TOX2: variants seen among roughly 807,000 people sequenced by gnomAD.
TOX2 encodes the protein granulosa cell HMG box 1.
In TOX2, 15 loss-of-function variants were observed where a neutral mutation model predicts 47.4. The observed-to-expected ratio is 0.32, with a 90% CI of 0.21 to 0.49. The LOEUF is 0.49. Among genes scored for constraint, TOX2 ranks in the 20% least tolerant of loss-of-function variants. The pLI, the probability that TOX2 is intolerant of heterozygous loss-of-function variation, is 0.99. For missense variants in TOX2, 622 were observed against 673.1 expected, an observed-to-expected ratio of 0.92 and a Z score of 0.84; for synonymous variants, 290 against 296.6, an observed-to-expected ratio of 0.98 and a Z score of 0.23.
chr20:44,015,412 A>C (rs939339018), intron 3 of TOX2, among the ~76,000 whole-genome samples: 1 of 152,188 alleles, frequency 6.6e-6, no homozygotes, highest in East Asian at 1.9e-4. Context: ...CATCACTTCA[A>C]TAAATCATTA....
chr20:43,929,803 A>G (rs1231894204), intron 1 of TOX2, among the ~76,000 whole-genome samples: 1 of 152,090 alleles, frequency 6.6e-6, no homozygotes, highest in Non-Finnish European at 1.5e-5. Flanking sequence ...TTCACCTCCC[A>G]GGTTCAAGTG....
At chr20:44,039,759 C>T (rs2071302113) in intron 3 of TOX2, among the ~76,000 whole-genome samples, 1 of 151,366 alleles carries the variant, frequency 6.6e-6, no homozygotes, top group South Asian at 2.1e-4. Flanking sequence ...TCAGAATCGT[C>T]CCACTGAGGG....
intron 2 of TOX2, among the ~76,000 whole-genome samples, chr20:44,002,459 A>T (rs1226408565): frequency 2.0e-5 from 3 of 152,224 alleles, no homozygotes; most frequent in Non-Finnish European, 4.4e-5. Context: ...TGCCCTGAGA[A>T]ACTTACATGT....
At chr20:44,034,029 G>A (rs1214399293) in intron 3 of TOX2, among the ~76,000 whole-genome samples, 6 of 152,174 alleles carry the variant, frequency 3.9e-5, no homozygotes, top group Admixed American at 3.3e-4. Flanking sequence ...GCATCTGCAA[G>A]CATGCTTACC....
chr20:44,010,265 C>A (rs2070757587), intron 3 of TOX2, among the ~76,000 whole-genome samples: 2 of 152,064 alleles, frequency 1.3e-5, no homozygotes, highest in African/African-American at 4.8e-5. Flanking sequence ...CAAAGATGGC[C>A]CCCTAATTGC....
chr20:44,069,089 T>C lies in TOX2; in HGVS notation c.*403T>C, dbSNP rs2071892121. 2.6e-6 allele frequency: 1 copy of C among 377,764 alleles called. No individual in the cohort carries two copies. The highest frequency in any genetic ancestry group is 2.1e-5 in the South Asian group (1 of 48,506). 23.4% of individuals were successfully genotyped at this position (377,764 alleles called of 1,614,324 possible). On this transcript the variant is annotated 3_prime_UTR_variant, in exon 9 of 9. Coordinates refer to ENST00000341197, the MANE Select transcript of TOX2 (RefSeq NM_001098797.2). ...TGGGCCAGAGGGCCGGCCCCCGGCA[T>C]AGATGTGCACATCGGTTTTCCAGTG...
chr20:44,036,314 G>A (rs2071238896), intron 3 of TOX2, among the ~76,000 whole-genome samples: 1 of 152,222 alleles, frequency 6.6e-6, no homozygotes, highest in Non-Finnish European at 1.5e-5. Flanking sequence ...AGGCTGTGCT[G>A]GGCAAGTGGG....
chr20:43,971,371 G>A (rs143213424), intron 1 of TOX2, among the ~76,000 whole-genome samples: 163 of 152,316 alleles, frequency 1.1e-3, no homozygotes, highest in African/African-American at 3.6e-3. Context: ...GGGCGAGGGC[G>A]CGTCGAAAAT....
intron 3 of TOX2, among the ~76,000 whole-genome samples, chr20:44,014,504 A>T (rs915176077): frequency 6.6e-6 from 1 of 152,104 alleles, no homozygotes; most frequent in African/African-American, 2.4e-5. Flanking sequence ...ATCATCTAGT[A>T]GTCAGGTGTA....
At chr20:43,954,184 G>A (rs932133657) in intron 1 of TOX2, among the ~76,000 whole-genome samples, 4 of 152,056 alleles carry the variant, frequency 2.6e-5, no homozygotes, top group African/African-American at 9.7e-5. Context: ...TATTCCCCCT[G>A]CATGCGAGAG....
chr20:44,026,228 G>GAGATATAT (rs1555842268), intron 3 of TOX2, among the ~76,000 whole-genome samples: 4 of 60,244 alleles, frequency 6.6e-5, no homozygotes, highest in Non-Finnish European at 1.2e-4. Context: ...AAGAAACTGT[G>GAGATATAT]ATATATATAT....
intron 2 of TOX2, among the ~76,000 whole-genome samples, chr20:43,988,803 A>G (rs2070316705): frequency 6.6e-6 from 1 of 152,192 alleles, no homozygotes; most frequent in South Asian, 2.1e-4. Context: ...ATACAGGGAT[A>G]TACACACACA....
At chr20:44,003,204 T>A (rs1002661670) in intron 2 of TOX2, among the ~76,000 whole-genome samples, 9 of 149,312 alleles carry the variant, frequency 6.0e-5, no homozygotes, top group African/African-American at 2.0e-4. Flanking sequence ...TTTTTTTTTT[T>A]AAGATGAGGT....
chr20:44,064,018 T>A (rs542307503), intron 5 of TOX2, among the ~76,000 whole-genome samples: 9 of 152,174 alleles, frequency 5.9e-5, no homozygotes, highest in Admixed American at 2.0e-4. Context: ...AGGATGGTAG[T>A]GAAGGATAAA....
intron 1 of TOX2, among the ~76,000 whole-genome samples, chr20:43,937,441 G>C (rs1433593267): frequency 6.6e-6 from 1 of 152,108 alleles, no homozygotes; most frequent in Non-Finnish European, 1.5e-5. Context: ...GGGTGTTGTG[G>C]GCACAGAGTT....
At chr20:44,050,529 A>G (rs1005112583) in intron 3 of TOX2, among the ~76,000 whole-genome samples, 1 of 152,228 alleles carries the variant, frequency 6.6e-6, no homozygotes, top group Non-Finnish European at 1.5e-5. Context: ...GGGTGTGGAC[A>G]TATATTTAGG....
In TOX2 at chr20:43,973,424, A is replaced by G. The variant is rs755427969; in HGVS notation, c.157A>G (p.Thr53Ala). The G allele has an allele frequency of 1.5e-5, 25 of 1,614,028 alleles. No homozygotes were observed. The highest frequency in any genetic ancestry group is 1.9e-5 in the Non-Finnish European group (23 of 1,180,026). Residue 53 changes from threonine (T) to alanine (A), a missense_variant, in exon 2 of 9, where the codon ACC becomes GCC. Thr to Ala is a moderately conservative substitution (Grantham distance 58). Transcript: ENST00000341197. ...MSDGNPELLS[T>A]SQTYNGQSEN... is the part of the protein sequence containing the mutation. ...TGACGGAAACCCAGAGCTCCTGTCA[A>G]CCAGCCAGGTGGGTGCCTCATCCTC...
intron 2 of TOX2, among the ~76,000 whole-genome samples, chr20:43,985,750 G>C (rs932282422): frequency 2.0e-5 from 3 of 152,160 alleles, no homozygotes; most frequent in African/African-American, 7.2e-5. Context: ...CAGTGATGCA[G>C]GCCTTCGAAG....
intron 1 of TOX2, among the ~76,000 whole-genome samples, chr20:43,964,457 C>G (rs757336697): frequency 6.6e-6 from 1 of 152,232 alleles, no homozygotes; most frequent in African/African-American, 2.4e-5. Context: ...TGAGCGTTCT[C>G]ACCGCCCAAT....
Sources: allele counts gnomAD v4.1 joint callset (sites outside exome capture counted in the v4.1 genomes callset), GRCh38; gene constraint gnomAD v4.1.1; transcripts MANE v1.5; gene names NCBI Gene and HGNC (gene_info 2026-07-23, HGNC 2026-07-21).